CLMN: variants seen among roughly 807,000 people sequenced by gnomAD.
CLMN encodes calmin (calponin-like, transmembrane).
In CLMN, 57 loss-of-function variants were observed where a neutral mutation model predicts 92.7. The observed-to-expected ratio is 0.61, with a 90% confidence interval of 0.50 to 0.77. The LOEUF is 0.77. Among genes scored for constraint, CLMN ranks in the 30% least tolerant of loss-of-function variants. CLMN has a pLI of 0.00. For synonymous variants in CLMN, 466 were observed against 470.6 expected, an observed-to-expected ratio of 0.99 and a Z score of 0.13; for missense variants, 1,158 against 1,237.5, an observed-to-expected ratio of 0.94 and a Z score of 0.96.
chr14:95,222,151 C>T (rs1305483281), intron 3 of CLMN, among the ~76,000 whole-genome samples: 1 of 152,160 alleles, frequency 6.6e-6, no homozygotes, highest in Non-Finnish European at 1.5e-5. Flanking sequence ...GTGTTCCCTT[C>T]GCTAAGCGGC....
intron 1 of CLMN, among the ~76,000 whole-genome samples, chr14:95,245,250 A>AT (rs1898487661): frequency 1.9e-4 from 7 of 35,968 alleles, no homozygotes; most frequent in African/African-American, 5.7e-4. Flanking sequence ...ATATATATAT[A>AT]TATAATATAT....
chr14:95,305,141 C>T (rs1205155594), intron 1 of CLMN, among the ~76,000 whole-genome samples: 1 of 152,224 alleles, frequency 6.6e-6, no homozygotes. Context: ...CCTCTCTAAG[C>T]CCTTCACCTC....
At chr14:95,228,737 C>G (rs1025782333) in intron 2 of CLMN, among the ~76,000 whole-genome samples, 14 of 152,162 alleles carry the variant, frequency 9.2e-5, no homozygotes, top group African/African-American at 3.1e-4. Flanking sequence ...TGCAGTGGTG[C>G]GATCTCAGCT....
At chr14:95,245,629 T>C (rs1280355370) in intron 1 of CLMN, among the ~76,000 whole-genome samples, 42 of 133,626 alleles carry the variant, frequency 3.1e-4, no homozygotes, top group African/African-American at 1.1e-3. Flanking sequence ...GATGGGTGAG[T>C]GGGTGGATGG....
chr14:95,278,609 G>A (rs777406009), intron 1 of CLMN, among the ~76,000 whole-genome samples: 2 of 151,570 alleles, frequency 1.3e-5, no homozygotes, highest in Non-Finnish European at 2.9e-5. Flanking sequence ...GTTTTACACT[G>A]TGTTACCTGA....
intron 1 of CLMN, among the ~76,000 whole-genome samples, chr14:95,257,920 TAA>T (rs768874998): frequency 7.2e-5 from 11 of 152,204 alleles, no homozygotes; most frequent in Middle Eastern, 3.4e-3. Context: ...GTCCAGACAA[TAA>T]GAGAGAACTG....
At chr14:95,303,918 G>A (rs770852063) in intron 1 of CLMN, among the ~76,000 whole-genome samples, 5 of 152,172 alleles carry the variant, frequency 3.3e-5, no homozygotes, top group African/African-American at 4.8e-5. Context: ...TTTGTTTTAT[G>A]TATGCATTAC....
chr14:95,215,615 G>C (rs772420890), intron 5 of CLMN, 26 bp downstream of exon 5: 1 of 1,582,700 alleles, frequency 6.3e-7, no homozygotes, highest in Non-Finnish European at 8.7e-7. Context: ...TCATGATTGT[G>C]TGTTTTGGAA....
intron 1 of CLMN, among the ~76,000 whole-genome samples, chr14:95,300,818 G>C (rs1300922199): frequency 6.6e-6 from 1 of 152,200 alleles, no homozygotes; most frequent in East Asian, 1.9e-4. Context: ...CCCTGCCATG[G>C]AGCAGAGACT....
intron 1 of CLMN, among the ~76,000 whole-genome samples, chr14:95,292,531 T>C (rs1900617026): frequency 6.7e-6 from 1 of 148,366 alleles, no homozygotes; most frequent in Non-Finnish European, 1.5e-5. Context: ...GTCTCCCTTA[T>C]TGATTTTTGT....
chr14:95,221,662 T>TTA, intron 4 of CLMN, 29 bp downstream of exon 4: 1 of 1,593,366 alleles, frequency 6.3e-7, no homozygotes, highest in Non-Finnish European at 8.6e-7. Context: ...GACAAGCTTG[T>TTA]GTTAGCAGGA....
At position 95,294,395 on chromosome 14, in the gene CLMN, G is replaced by A. The variant is rs190299310; in HGVS notation, c.82+25316C>T. Reference sequence around the variant, plus strand: ...GGGCACCTCTGGAAGGAGAAGGGCTGGGGGCAGAACGTGTGCTTGTCTGGC... The same window carrying A: ...GGGCACCTCTGGAAGGAGAAGGGCTAGGGGCAGAACGTGTGCTTGTCTGGC... On this transcript the variant is annotated intron_variant, in intron 1 of 12. Coordinates refer to ENST00000298912, the MANE Select transcript of CLMN (RefSeq NM_024734.4). The surrounding 1 kb of genome is among the most constrained non-coding windows in gnomAD (Gnocchi z 4.2). 1.6e-3 allele frequency among the ~76,000 whole-genome samples: 246 copies of A among 152,350 alleles called. 1 individual carries two copies. The highest frequency in any genetic ancestry group is 5.7e-3 in the African/African-American group (239 of 41,572).
At chr14:95,255,848 T>G in intron 1 of CLMN, among the ~76,000 whole-genome samples, 1 of 152,214 alleles carries the variant, frequency 6.6e-6, no homozygotes, top group Non-Finnish European at 1.5e-5. Context: ...ATGAAGTTTT[T>G]GAGTGCTGCA....
Position 95,194,128 on chromosome 14 carries a change from G to A in CLMN, c.2770-209C>T. On this transcript the variant is annotated intron_variant, in intron 11 of 12. Coordinates refer to ENST00000298912, the MANE Select transcript of CLMN (RefSeq NM_024734.4). This position sits in a 1 kb window ranked among gnomAD's most constrained non-coding sequence, Gnocchi z 4.0. ...AAGCCCCTCCCTTGTGAGTGCGAGA[G>A]ACCCCACCACCCGGAACCCGGATTG... The A allele has an allele frequency of 1.4e-6, 2 of 1,416,992 alleles. No individual in the cohort carries two copies. The highest frequency in any genetic ancestry group is 1.8e-6 in the Non-Finnish European group (2 of 1,092,376). 87.8% of individuals were successfully genotyped at this position (1,416,992 alleles called of 1,614,324 possible).
At chr14:95,276,538 G>T (rs1360488062) in intron 1 of CLMN, among the ~76,000 whole-genome samples, 1 of 152,118 alleles carries the variant, frequency 6.6e-6, no homozygotes, top group African/African-American at 2.4e-5. Flanking sequence ...GATATGATGG[G>T]TGGGTCTTTC....
chr14:95,223,649 T>C, intron 3 of CLMN, 111 bp downstream of exon 3: 1 of 793,638 alleles, frequency 1.3e-6, no homozygotes, highest in Non-Finnish European at 2.0e-6. Context: ...AAGTCACCGC[T>C]TCAGAGTTTC....
intron 7 of CLMN, 135 bp downstream of exon 7, chr14:95,210,551 T>G: frequency 1.3e-6 from 1 of 785,510 alleles, no homozygotes; most frequent in Non-Finnish European, 2.0e-6. Flanking sequence ...ATCCATATGA[T>G]CTGAGTGGTA....
intron 9 of CLMN, 125 bp downstream of exon 9, chr14:95,202,713 A>C: frequency 9.3e-7 from 1 of 1,071,818 alleles, no homozygotes; most frequent in Non-Finnish European, 1.3e-6. Context: ...TGAATTTTGC[A>C]CCATAGTAGT....
chr14:95,258,197 G>C (rs1899083617), intron 1 of CLMN, among the ~76,000 whole-genome samples: 1 of 151,860 alleles, frequency 6.6e-6, no homozygotes. Flanking sequence ...TGTATGCATA[G>C]TGCATATGAT....
Sources: allele counts gnomAD v4.1 joint callset (sites outside exome capture counted in the v4.1 genomes callset), GRCh38; gene constraint gnomAD v4.1.1; non-coding constraint Gnocchi (gnomAD v3.1); transcripts MANE v1.5; gene names NCBI Gene and HGNC (gene_info 2026-07-23, HGNC 2026-07-21).